Variants in RBFOX1 observed in about 807,000 individuals in gnomAD.
RBFOX1 encodes RNA binding fox-1 homolog 1.
In RBFOX1, 8 loss-of-function variants were observed where a neutral mutation model predicts 57.7. The ratio of observed to expected loss-of-function variants is 0.14; its 90% confidence interval spans 0.08 to 0.25. RBFOX1 has a LOEUF of 0.25. RBFOX1 is among the 10% of genes least tolerant of loss of function. The probability of loss-of-function intolerance (pLI) is 1.00; values close to 1 mark genes in which losing one functional copy is unlikely to be tolerated. For missense variants in RBFOX1, 611 were observed against 548.5 expected (o/e 1.11, Z -1.14); for synonymous variants, 326 against 222.4 (o/e 1.47, Z -4.15).
At chr16:6,577,679 G>A (rs1463916788) in intron 2 of RBFOX1, among the ~76,000 whole-genome samples, 1 of 152,146 alleles carries the variant, frequency 6.6e-6, no homozygotes, top group African/African-American at 2.4e-5. Context: ...CATGGTCCCA[G>A]GGGAAGTCCA....
At chr16:6,297,207 A>G (rs1567877067) in intron 1 of RBFOX1, among the ~76,000 whole-genome samples, 2 of 152,070 alleles carry the variant, frequency 1.3e-5, no homozygotes, top group Non-Finnish European at 2.9e-5. Context: ...TTTTATCAGC[A>G]AGATCTTTAT....
At chr16:6,158,525 C>A (rs374243452) in intron 1 of RBFOX1, among the ~76,000 whole-genome samples, 20 of 152,320 alleles carry the variant, frequency 1.3e-4, no homozygotes, top group African/African-American at 4.6e-4. Context: ...GATTGCCTTT[C>A]AGTGAAACTT....
At chr16:6,029,772 C>CAAAAA (rs57851398) in intron 1 of RBFOX1, among the ~76,000 whole-genome samples, 2 of 102,306 alleles carry the variant, frequency 2.0e-5, no homozygotes, top group Admixed American at 1.2e-4. Flanking sequence ...GACTCCGTCT[C>CAAAAA]AAAAAAAAAA....
intron 1 of RBFOX1, among the ~76,000 whole-genome samples, chr16:6,151,665 C>A (rs937869133): frequency 6.6e-6 from 1 of 152,202 alleles, no homozygotes; most frequent in African/African-American, 2.4e-5. Context: ...GTAATTGAAA[C>A]AGATTTGTTT....
At chr16:7,075,995 A>G (rs1346852415) in intron 4 of RBFOX1, among the ~76,000 whole-genome samples, 1 of 151,174 alleles carries the variant, frequency 6.6e-6, no homozygotes, top group Non-Finnish European at 1.5e-5. Context: ...AGTCCCCTAA[A>G]CTGACACCAG....
intron 1 of RBFOX1, among the ~76,000 whole-genome samples, chr16:6,044,803 A>G (rs1216887728): frequency 1.3e-5 from 2 of 152,246 alleles, no homozygotes; most frequent in Non-Finnish European, 2.9e-5. Context: ...TGTCTGGGAC[A>G]CAGCCTGGTC....
At chr16:6,122,584 G>A (rs2096558982) in intron 1 of RBFOX1, among the ~76,000 whole-genome samples, 1 of 152,152 alleles carries the variant, frequency 6.6e-6, no homozygotes, top group South Asian at 2.1e-4. Flanking sequence ...ATATTGTGCT[G>A]ACTAGGCCTT....
At position 6,558,397 on chromosome 16, in the gene RBFOX1, A is replaced by T. The variant is rs537172992; in HGVS notation, c.-63-96206A>T. Among the ~76,000 whole-genome samples the T allele has an allele frequency of 1.1e-4, 16 of 152,240 alleles. 1 individual carries two copies. In the South Asian group the frequency reaches 3.3e-3, roughly 32 times the overall value. On this transcript the variant is annotated intron_variant, in intron 2 of 15. Coordinates refer to ENST00000550418, the MANE Select transcript of RBFOX1 (RefSeq NM_018723.4). The stretch of plus-strand genomic sequence containing the variant: ...TCTTCTCTTTTAGAAAGAGGAGAAG[A>T]GTTTATCCTGAACTGTGCATTTTTT...
rs533359506 is a variant in RBFOX1 at position 6,107,189 on chromosome 16, T to C, written c.-127+87197T>C. Among the ~76,000 whole-genome samples the C allele has an allele frequency of 2.6e-5, 4 of 152,280 alleles. No individual in the cohort carries two copies. In the East Asian group the frequency reaches 5.8e-4, roughly 22 times the overall value. The stretch of plus-strand genomic sequence containing the variant: ...GTTATGGGCCTTGCCATTGGTTTCT[T>C]CTGGGTCCCCATCTGTGGCCTCTTT... On this transcript the variant is annotated intron_variant, in intron 1 of 15. Transcript: ENST00000550418.
intron 3 of RBFOX1, among the ~76,000 whole-genome samples, chr16:6,780,390 A>ATATATTTT (rs1555461263): frequency 2.2e-5 from 2 of 89,122 alleles, no homozygotes; most frequent in Non-Finnish European, 3.5e-5. Context: ...TATACATATT[A>ATATATTTT]TATATATTTT....
At chr16:6,147,776 A>G (rs2096769822) in intron 1 of RBFOX1, among the ~76,000 whole-genome samples, 1 of 152,152 alleles carries the variant, frequency 6.6e-6, no homozygotes, top group African/African-American at 2.4e-5. Context: ...GTCACCATCC[A>G]CTCAGTTGCT....
At position 7,374,035 on chromosome 16, in the gene RBFOX1, T is replaced by C. The variant is rs143125921; in HGVS notation, c.28-144112T>C. Among the ~76,000 whole-genome samples the C allele has an allele frequency of 4.9e-4, 75 of 152,290 alleles. No homozygotes were observed. In the Middle Eastern group the frequency reaches 0.024, roughly 48 times the overall value. On this transcript the variant is annotated intron_variant, in intron 4 of 15. Transcript: ENST00000550418. Reference sequence around the variant, plus strand: ...GAGCCATAAAACTTGAAAGATAAAGTATCTTTCTGAGACACACATGGAGAG... The same window carrying C: ...GAGCCATAAAACTTGAAAGATAAAGCATCTTTCTGAGACACACATGGAGAG...
chr16:5,283,026 G>A (rs2151152742), intron 1 of RBFOX1, among the ~76,000 whole-genome samples: 1 of 152,268 alleles, frequency 6.6e-6, no homozygotes, highest in East Asian at 1.9e-4. Context: ...AGCAGCCTAG[G>A]GTGCCTGAGT....
intron 1 of RBFOX1, among the ~76,000 whole-genome samples, chr16:6,050,143 A>G (rs914212917): frequency 6.6e-6 from 1 of 152,042 alleles, no homozygotes; most frequent in East Asian, 1.9e-4. Context: ...ACTTTTTAAT[A>G]GAGATGGGGT....
chr16:7,165,387 G>GTAATAGTAATAATAA (rs1555525490), intron 4 of RBFOX1, among the ~76,000 whole-genome samples: 20 of 141,202 alleles, frequency 1.4e-4, no homozygotes, highest in Non-Finnish European at 3.0e-4. Flanking sequence ...TAACTCTTCT[G>GTAATAGTAATAATAA]TAATAATAAT....
chr16:6,121,780 T>A (rs1645619014), intron 1 of RBFOX1, among the ~76,000 whole-genome samples: 1 of 152,220 alleles, frequency 6.6e-6, no homozygotes, highest in African/African-American at 2.4e-5. Context: ...CTCAGACTGT[T>A]TCCTCCTCTG....
intron 4 of RBFOX1, among the ~76,000 whole-genome samples, chr16:7,151,370 A>G (rs1436420662): frequency 1.3e-5 from 2 of 152,096 alleles, no homozygotes; most frequent in Admixed American, 6.5e-5. Context: ...TGAAATTAGG[A>G]CTGCAAAAGA....
At chr16:6,148,820 G>T (rs1361572438) in intron 1 of RBFOX1, among the ~76,000 whole-genome samples, 1 of 152,156 alleles carries the variant, frequency 6.6e-6, no homozygotes, top group African/African-American at 2.4e-5. Flanking sequence ...CTAGAGATTT[G>T]AAGTAGTTTC....
intron 4 of RBFOX1, among the ~76,000 whole-genome samples, chr16:7,297,677 T>TA (rs1394578952): frequency 2.0e-5 from 3 of 152,214 alleles, no homozygotes; most frequent in African/African-American, 7.2e-5. Context: ...CTGGGGTCTT[T>TA]ATAATAACAA....
Sources: gnomAD v4.1 joint callset for allele counts (sites outside exome capture counted in the v4.1 genomes callset) on GRCh38, gnomAD v4.1.1 for gene constraint, MANE v1.5 for transcripts, NCBI Gene and HGNC (gene_info 2026-07-23, HGNC 2026-07-21) for gene names.